The following WSB1 variants were observed in gnomAD, a reference collection of about 807,000 sequenced individuals.
WSB1 encodes the protein WD repeat and SOCS box containing 1.
Under a neutral mutation model 50.2 loss-of-function variants are expected in WSB1, and 23 were observed. The ratio of observed to expected loss-of-function variants is 0.46; its 90% CI spans 0.33 to 0.65. The LOEUF is 0.65. WSB1 is among the 30% of genes least tolerant of loss of function. The pLI, the probability that WSB1 is intolerant of heterozygous loss-of-function variation, is 0.02. For missense variants in WSB1, 492 were observed against 522.3 expected (o/e 0.94, Z 0.56); for synonymous variants, 179 against 172.0 (o/e 1.04, Z -0.32).
intron 4 of WSB1, among the ~76,000 whole-genome samples, chr17:27,305,283 C>CT (rs1473548879): frequency 2.6e-5 from 4 of 152,278 alleles, no homozygotes; most frequent in Non-Finnish European, 5.9e-5. Flanking sequence ...TTAGGTAGGT[C>CT]TTGAAGTAAC....
chr17:27,306,838 T>C lies in WSB1; in HGVS notation c.667T>C (p.Ser223Pro). The C allele has an allele frequency of 6.2e-7, 1 of 1,614,190 alleles. No individual in the cohort carries two copies. The highest frequency in any genetic ancestry group is 8.5e-7 in the Non-Finnish European group (1 of 1,180,030). Residue 223 changes from serine (S) to proline (P), a missense_variant, in exon 5 of 9, where the codon TCT (serine) becomes CCT (proline). Coordinates refer to ENST00000262394, the MANE Select transcript of WSB1 (RefSeq NM_015626.10). ...GAATTGGGTGTACAGCTGTGCATTC[T>C]CTCCTGACTCTTCTATGCTGTGTTC... ...HQNWVYSCAF[S>P]PDSSMLCSVG...
At position 27,302,040 on chromosome 17, in the gene WSB1, A is replaced by T. The variant is rs1010077361; in HGVS notation, c.209+84A>T. ...AGTGTAGGGTAATAAAAACATTTTG[A>T]TATTTAAGTTTTACTTTATAGATGA... On this transcript the variant is annotated intron_variant, in intron 2 of 8. Coordinates refer to ENST00000262394, the MANE Select transcript of WSB1 (RefSeq NM_015626.10). 6 of 1,397,006 alleles carry T rather than the reference A, an allele frequency of 4.3e-6. No homozygotes were observed. The Admixed American group carries it at 1.6e-4, about 37-fold the overall frequency. The allele number at this position is 1,397,006 out of a possible 1,614,324, so 86.5% of individuals were successfully genotyped here.
At chr17:27,308,718 C>A in intron 5 of WSB1, 1 of 986,658 alleles carries the variant, frequency 1.0e-6, no homozygotes, top group Non-Finnish European at 1.2e-6. Flanking sequence ...TTTTAAAAAT[C>A]TGGTAGTTTC....
intron 1 of WSB1, chr17:27,297,380 G>C (rs2017022558): frequency 6.6e-6 from 1 of 151,834 alleles, no homozygotes; most frequent in Non-Finnish European, 1.5e-5. Flanking sequence ...TGTTAGCCAA[G>C]CTGGTCTGGA....
chr17:27,294,934 C>T (rs575402880), intron 1 of WSB1, among the ~76,000 whole-genome samples: 1 of 152,286 alleles, frequency 6.6e-6, no homozygotes, highest in South Asian at 2.1e-4. Flanking sequence ...ATGGTGTGGC[C>T]TTAAGAAACG....
At chr17:27,296,428 T>G (rs1296905556) in intron 1 of WSB1, among the ~76,000 whole-genome samples, 5 of 152,230 alleles carry the variant, frequency 3.3e-5, no homozygotes. Context: ...TTTCTCTGCG[T>G]AGCTTTTTAA....
intron 3 of WSB1, 184 bp downstream of exon 3, chr17:27,303,819 T>C: frequency 1.4e-6 from 1 of 698,554 alleles, no homozygotes; most frequent in Non-Finnish European, 2.3e-6. Context: ...TTAGGAAAAC[T>C]ATGGAGTTCA....
rs1242888571 is a variant in WSB1 at position 27,294,342 on chromosome 17, C to T, written c.-54C>T. 1.5e-5 allele frequency: 24 copies of T among 1,604,918 alleles called. No homozygotes were observed. The highest frequency in any genetic ancestry group is 2.2e-5 in the South Asian group (2 of 90,382). On this transcript the variant is annotated 5_prime_UTR_variant, in exon 1 of 9. Coordinates refer to ENST00000262394, the MANE Select transcript of WSB1 (RefSeq NM_015626.10). The stretch of plus-strand genomic sequence containing the variant: ...CACGCCCCTCAGCGGTCGCCACTCT[C>T]TTCTCTGTTGTTGGGTCCGCATCGT...
chr17:27,307,664 TAAG>T (rs1240744654), intron 5 of WSB1: 6 of 1,430,366 alleles, frequency 4.2e-6, no homozygotes, highest in East Asian at 5.0e-5. Context: ...TTACAAATCA[TAAG>T]AAGAACAAAA....
intron 2 of WSB1, chr17:27,302,453 A>T (rs569441931): frequency 2.6e-5 from 4 of 152,078 alleles, no homozygotes; most frequent in South Asian, 2.1e-4. Context: ...TTATTTATAC[A>T]TTAAGTTTTT....
chr17:27,313,438 TAAAAAAA>T lies in WSB1; in HGVS notation c.*1080_*1086del, dbSNP rs750489113. On this transcript the variant is annotated 3_prime_UTR_variant, in exon 9 of 9. Transcript: ENST00000262394. ...GACAATTATTTTAAGACCATGGATT[TAAAAAAA>T]AAAAAAAAAACTCTGTTTCTGCAGG... 1 of 132,460 alleles carries T rather than the reference TAAAAAAA, an allele frequency of 7.5e-6. No homozygotes were observed. Among genetic ancestry groups the T allele is most frequent in the Non-Finnish European group, 1.6e-5 (1 of 61,122 alleles). 8.2% of individuals were successfully genotyped at this position (132,460 alleles called of 1,614,324 possible). A position where few individuals can be genotyped will look rare whatever the true frequency, so the allele number is the denominator to read the frequency against.
Position 27,306,884 on chromosome 17 carries a change from T to C in WSB1, c.711+2T>C. On this transcript the variant is annotated splice_donor_variant, in intron 5 of 8. Coordinates refer to ENST00000262394, the MANE Select transcript of WSB1 (RefSeq NM_015626.10). LOFTEE classifies it high-confidence loss of function. ...TGTTCAGTCGGAGCCAGTAAAGCAG[T>C]ACGTGTCAAAGTTCTTGTACATTCA... 1 of 1,613,904 alleles carries C rather than the reference T, an allele frequency of 6.2e-7. No homozygotes were observed. Among genetic ancestry groups the C allele is most frequent in the Non-Finnish European group, 8.5e-7 (1 of 1,179,852 alleles).
In WSB1 at chr17:27,313,603, TTTAA is replaced by T. The variant is rs1331111839; in HGVS notation, c.*1239_*1242del. On this transcript the variant is annotated 3_prime_UTR_variant, in exon 9 of 9. Transcript: ENST00000262394. ...TCAATTATATATTTTTGTTGAGTTT[TTTAA>T]TTAAAGACTTGTAAAAAAAAAAAAC... The T allele has an allele frequency of 6.6e-6, 1 of 150,656 alleles. No individual in the cohort carries two copies. Among genetic ancestry groups the T allele is most frequent in the Non-Finnish European group, 1.5e-5 (1 of 67,678 alleles). The allele number at this position is 150,656 out of a possible 1,614,324, so 9.3% of individuals were successfully genotyped here.
At chr17:27,305,840 G>A (rs73984466) in intron 4 of WSB1, among the ~76,000 whole-genome samples, 3,371 of 152,226 alleles carry the variant, frequency 0.022, 80 homozygotes, top group African/African-American at 0.056. Context: ...TTTGCATATC[G>A]AATGATGCTT....
At position 27,309,235 on chromosome 17, in the gene WSB1, T is replaced by A; in HGVS notation, c.847T>A (p.Trp283Arg). Residue 283 changes from tryptophan (W) to arginine (R), a missense_variant, in exon 6 of 9, where the codon TGG becomes AGG. Physicochemically the swap from Trp to Arg is moderately radical, Grantham distance 101 (BLOSUM62 -3). Transcript: ENST00000262394. Reference sequence around the variant, plus strand: ...ATCTTATGATACTCGAGTATATATCTGGGATCCACATAATGGAGACATTCT... The same window carrying A: ...ATCTTATGATACTCGAGTATATATCAGGGATCCACATAATGGAGACATTCT... ...TASYDTRVYI[W>R]DPHNGDILME... 1 of 1,611,554 alleles carries A rather than the reference T, an allele frequency of 6.2e-7. No individual in the cohort carries two copies. Among genetic ancestry groups the A allele is most frequent in the Non-Finnish European group, 8.5e-7 (1 of 1,178,716 alleles).
At chr17:27,307,551 A>G in intron 5 of WSB1, 1 of 577,992 alleles carries the variant, frequency 1.7e-6, no homozygotes, top group Non-Finnish European at 3.0e-6. Context: ...GAATTAATGG[A>G]GGGTGGGAGG....
intron 1 of WSB1, among the ~76,000 whole-genome samples, chr17:27,300,383 C>T (rs2017176759): frequency 1.3e-5 from 2 of 152,184 alleles, no homozygotes; most frequent in Non-Finnish European, 2.9e-5. Flanking sequence ...AGGTGATACA[C>T]TGATAAAGAG....
intron 4 of WSB1, among the ~76,000 whole-genome samples, chr17:27,306,256 A>T (rs533292998): frequency 1.6e-4 from 19 of 115,392 alleles, no homozygotes; most frequent in African/African-American, 6.5e-4. Flanking sequence ...TCTTTCGCCC[A>T]GGCTGGAGTG....
rs749929848 is a variant in WSB1, at chr17:27,312,286, A to G, written c.1183A>G (p.Ile395Val). 15 of 1,614,034 alleles carry G rather than the reference A, an allele frequency of 9.3e-6. No homozygotes were observed. The Admixed American group carries it at 1.8e-4, about 20-fold the overall frequency. Residue 395 changes from isoleucine to valine, a missense_variant, in exon 9 of 9, where the codon ATC becomes GTC. Ile to Val is a conservative substitution (Grantham distance 29, BLOSUM62 3). Coordinates refer to ENST00000262394, the MANE Select transcript of WSB1 (RefSeq NM_015626.10). ...PSLQHLCRMS[I>V]RRVMPTQEVQ... is the part of the protein sequence containing the mutation. ...CCTGCAACATTTATGTCGCATGTCA[A>G]TCCGAAGAGTGATGCCCACCCAAGA... is the stretch of plus-strand genomic sequence containing the variant.
Sources: gnomAD v4.1 joint callset for allele counts (sites outside exome capture counted in the v4.1 genomes callset) on GRCh38, gnomAD v4.1.1 for gene constraint, MANE v1.5 for transcripts, NCBI Gene and HGNC (gene_info 2026-07-23, HGNC 2026-07-21) for gene names.